The following RGMA variants were observed in gnomAD, a reference collection of about 807,000 sequenced individuals.
The protein encoded by RGMA is repulsive guidance molecule BMP co-receptor a.
A neutral mutation model predicts 23.2 loss-of-function variants in RGMA; 10 were observed. That is an observed-to-expected ratio of 0.43 (90% CI 0.27 to 0.73). The LOEUF (loss-of-function observed/expected upper bound fraction) is 0.73, where lower values mean the gene tolerates loss of function less well. Among genes scored for constraint, RGMA ranks in the 30% least tolerant of loss-of-function variants. The pLI, the probability that RGMA is intolerant of heterozygous loss-of-function variation, is 0.20. For synonymous variants in RGMA, 308 were observed against 279.3 expected, an observed-to-expected ratio of 1.10 and a Z score of -1.03; for missense variants, 547 against 630.5, an observed-to-expected ratio of 0.87 and a Z score of 1.42.
intron 1 of RGMA, among the ~76,000 whole-genome samples, chr15:93,084,568 G>C (rs2141850025): frequency 6.6e-6 from 1 of 152,148 alleles, no homozygotes; most frequent in Admixed American, 6.5e-5. Context: ...CGCCTCCTGG[G>C]TTCAAGCGAC....
intron 2 of RGMA, among the ~76,000 whole-genome samples, chr15:93,056,226 G>C (rs1285454828): frequency 6.6e-6 from 1 of 152,218 alleles, no homozygotes; most frequent in Non-Finnish European, 1.5e-5. Context: ...ATGGAGCCGG[G>C]CCAGCCCGGA....
intron 2 of RGMA, chr15:93,065,511 T>G (rs1895113433): frequency 1.7e-6 from 1 of 584,642 alleles, no homozygotes; most frequent in African/African-American, 1.9e-5. Context: ...AACAGGGTAC[T>G]GGGTAGGGTA....
chr15:93,062,537 GA>G (rs1276887622), intron 2 of RGMA, among the ~76,000 whole-genome samples: 1 of 152,196 alleles, frequency 6.6e-6, no homozygotes, highest in Non-Finnish European at 1.5e-5. Flanking sequence ...GCCAGACACG[GA>G]AACCTAGAGT....
chr15:93,073,748 G>A (rs1211901908), intron 1 of RGMA: 3 of 1,537,002 alleles, frequency 2.0e-6, no homozygotes, highest in Non-Finnish European at 1.7e-6. Context: ...GTGGCCCCAG[G>A]CCACCCATCC....
At chr15:93,080,902 C>T (rs1245830949) in intron 1 of RGMA, among the ~76,000 whole-genome samples, 1 of 152,120 alleles carries the variant, frequency 6.6e-6, no homozygotes, top group Non-Finnish European at 1.5e-5. Context: ...AGTCTCCCCC[C>T]GACCACCGCT....
chr15:93,039,628 G>A lies in RGMA; in HGVS notation c.*5370C>T, dbSNP rs964938942. Reference sequence around the variant, plus strand: ...TTCTCATTGTTCAACTCCCACTTACGAGTGAGAACATGCGGTGTTTGGTTT... The same window carrying A: ...TTCTCATTGTTCAACTCCCACTTACAAGTGAGAACATGCGGTGTTTGGTTT... On this transcript the variant is annotated 3_prime_UTR_variant, in exon 4 of 4. Coordinates refer to ENST00000329082, the MANE Select transcript of RGMA (RefSeq NM_020211.3). The A allele has an allele frequency of 2.0e-5, 3 of 151,464 alleles. No homozygotes were observed. The highest frequency in any genetic ancestry group is 4.4e-5 in the Non-Finnish European group (3 of 67,978). 9.4% of individuals were successfully genotyped at this position (151,464 alleles called of 1,614,324 possible).
At position 93,073,101 on chromosome 15, in the gene RGMA, C is replaced by G. The variant is rs1381160754; in HGVS notation, c.15-70G>C. The G allele has an allele frequency of 3.6e-6, 5 of 1,402,840 alleles. No homozygotes were observed. The African/African-American group carries it at 5.9e-5, about 17-fold the overall frequency. The allele number at this position is 1,402,840 out of a possible 1,614,324, so 86.9% of individuals were successfully genotyped here. On this transcript the variant is annotated intron_variant, in intron 1 of 3. Transcript: ENST00000329082. ...CGAAGAAAGGGCAGCCTCGCTCCGC[C>G]GGCGGGAGCAGCGAGCCGGGAGGCT...
intron 1 of RGMA, among the ~76,000 whole-genome samples, chr15:93,081,575 C>T (rs1407242161): frequency 2.6e-5 from 4 of 152,210 alleles, no homozygotes; most frequent in Admixed American, 1.3e-4. Flanking sequence ...CTCCCCATTC[C>T]GGTAAGTTCT....
At chr15:93,054,759 C>G (rs2054986377) in intron 2 of RGMA, among the ~76,000 whole-genome samples, 1 of 152,158 alleles carries the variant, frequency 6.6e-6, no homozygotes, top group Admixed American at 6.5e-5. Flanking sequence ...GGTGAGATGC[C>G]CCCATGTAGT....
chr15:93,035,888 GC>G lies in RGMA; in HGVS notation c.*9109del, dbSNP rs1171192871. On this transcript the variant is annotated 3_prime_UTR_variant, in exon 4 of 4. Transcript: ENST00000329082. Reference sequence around the variant, plus strand: ...GTCCTGCACCCAGTTGATAGCTAGGGCAGTGAGGCTCAGACACAGCCTGTGG... The same window carrying G: ...GTCCTGCACCCAGTTGATAGCTAGGGAGTGAGGCTCAGACACAGCCTGTGG... 1.3e-5 allele frequency: 2 copies of G among 152,244 alleles called. No individual in the cohort carries two copies. Among genetic ancestry groups the G allele is most frequent in the African/African-American group, 4.8e-5 (2 of 41,434 alleles). The allele number at this position is 152,244 out of a possible 1,614,324, so 9.4% of individuals were successfully genotyped here.
At chr15:93,053,910 A>G (rs1003808202) in intron 2 of RGMA, among the ~76,000 whole-genome samples, 9 of 152,164 alleles carry the variant, frequency 5.9e-5, no homozygotes, top group African/African-American at 2.2e-4. Flanking sequence ...TTGAGAAGTC[A>G]TATCTTTATT....
chr15:93,081,539 G>A (rs1028481860), intron 1 of RGMA, among the ~76,000 whole-genome samples: 1 of 152,212 alleles, frequency 6.6e-6, no homozygotes, highest in Non-Finnish European at 1.5e-5. Flanking sequence ...TCCCGTAAAA[G>A]AGAACAGACC....
intron 2 of RGMA, among the ~76,000 whole-genome samples, chr15:93,057,788 C>A (rs1347868175): frequency 6.6e-6 from 1 of 152,172 alleles, no homozygotes; most frequent in East Asian, 1.9e-4. Context: ...CCGACAAGGA[C>A]GTGTTTTCGC....
Position 93,037,245 on chromosome 15 carries a change from A to G in RGMA, c.*7753T>C, listed in dbSNP as rs2054671063. The G allele has an allele frequency of 6.6e-6, 1 of 152,218 alleles. No individual in the cohort carries two copies. Among genetic ancestry groups the G allele is most frequent in the Non-Finnish European group, 1.5e-5 (1 of 68,038 alleles). The allele number at this position is 152,218 out of a possible 1,614,324, so 9.4% of individuals were successfully genotyped here. On this transcript the variant is annotated 3_prime_UTR_variant, in exon 4 of 4. Coordinates refer to ENST00000329082, the MANE Select transcript of RGMA (RefSeq NM_020211.3). This position sits in a 1 kb window ranked among gnomAD's most constrained non-coding sequence, Gnocchi z 4.3. Reference sequence around the variant, plus strand: ...CACAGCTGAGATAGCTGAGGCTGCAAAACAAGGAAAACCCACCCTTTTCAT... The same window carrying G: ...CACAGCTGAGATAGCTGAGGCTGCAGAACAAGGAAAACCCACCCTTTTCAT...
At chr15:93,076,279 C>A (rs555078413) in intron 1 of RGMA, among the ~76,000 whole-genome samples, 58 of 151,052 alleles carry the variant, frequency 3.8e-4, no homozygotes, top group African/African-American at 1.4e-3. Context: ...CCTTTCCACT[C>A]TGGGGGTAGC....
chr15:93,083,774 G>T (rs573255069), intron 1 of RGMA, among the ~76,000 whole-genome samples: 11 of 152,166 alleles, frequency 7.2e-5, no homozygotes, highest in African/African-American at 2.7e-4. Flanking sequence ...AGCAGTGAGG[G>T]GTTATTAGCA....
Position 93,036,805 on chromosome 15 carries a change from C to G in RGMA, c.*8193G>C, listed in dbSNP as rs994168259. ...GTGGGGTGGACGCGTGCTCTCCTAC[C>G]AGACCCTGCTTGTAACCTGGAGTGG... On this transcript the variant is annotated 3_prime_UTR_variant, in exon 4 of 4. Coordinates refer to ENST00000329082, the MANE Select transcript of RGMA (RefSeq NM_020211.3). 1.3e-5 allele frequency: 2 copies of G among 152,354 alleles called. No homozygotes were observed. Among genetic ancestry groups the G allele is most frequent in the African/African-American group, 4.8e-5 (2 of 41,472 alleles). The allele number at this position is 152,354 out of a possible 1,614,324, so 9.4% of individuals were successfully genotyped here.
chr15:93,038,610 CAGGCTGG>C lies in RGMA; in HGVS notation c.*6381_*6387del, dbSNP rs1359452325. The stretch of plus-strand genomic sequence containing the variant: ...TGAGACGGTGTCTTGCTCTGTCGCC[CAGGCTGG>C]AGGCTGGAGTGCAGTGGTGCGATCT... On this transcript the variant is annotated 3_prime_UTR_variant, in exon 4 of 4. Coordinates refer to ENST00000329082, the MANE Select transcript of RGMA (RefSeq NM_020211.3). The C allele has an allele frequency of 4.3e-5, 5 of 116,736 alleles. No homozygotes were observed. The highest frequency in any genetic ancestry group is 1.4e-4 in the African/African-American group (5 of 35,192). The allele number at this position is 116,736 out of a possible 1,614,324, so 7.2% of individuals were successfully genotyped here. A position where few individuals can be genotyped will look rare whatever the true frequency, so the allele number is the denominator to read the frequency against.
Position 93,052,206 on chromosome 15 carries a change from G to T in RGMA, c.432C>A (p.Ile144=). 1.2e-6 allele frequency: 2 copies of T among 1,610,660 alleles called. No homozygotes were observed. The highest frequency in any genetic ancestry group is 1.7e-6 in the Non-Finnish European group (2 of 1,177,434). Residue 144 remains isoleucine, a synonymous_variant, in exon 3 of 4, where the codon ATC becomes ATA. Coordinates refer to ENST00000329082, the MANE Select transcript of RGMA (RefSeq NM_020211.3). ...TGTGAAAGCTCTTCTCGTAATGGCAGATCTCGGGGCTGTCCGAGCGCTCCT... is the reference window on the plus strand; with the variant it reads ...TGTGAAAGCTCTTCTCGTAATGGCATATCTCGGGGCTGTCCGAGCGCTCCT... ...DSQERSDSPE[I]CHYEKSFHKH...
Sources: allele counts gnomAD v4.1 joint callset (sites outside exome capture counted in the v4.1 genomes callset), GRCh38; gene constraint gnomAD v4.1.1; non-coding constraint Gnocchi (gnomAD v3.1); transcripts MANE v1.5; gene names NCBI Gene and HGNC (gene_info 2026-07-23, HGNC 2026-07-21).